Variants in RBFOX3 observed in about 807,000 individuals in gnomAD.
RBFOX3 encodes the protein RNA binding protein fox-1 homolog 3.
Under a neutral mutation model 48.7 loss-of-function variants are expected in RBFOX3, and 17 were observed. The observed-to-expected ratio is 0.35, with a 90% CI of 0.24 to 0.52. The LOEUF (loss-of-function observed/expected upper bound fraction) is 0.52, where lower values mean the gene tolerates loss of function less well. RBFOX3 is among the 20% of genes least tolerant of loss of function. The pLI, the probability that RBFOX3 is intolerant of heterozygous loss-of-function variation, is 0.94. For missense variants in RBFOX3, 382 were observed against 497.5 expected (o/e 0.77, Z 2.21); for synonymous variants, 212 against 209.5 (o/e 1.01, Z -0.10).
intron 4 of RBFOX3, among the ~76,000 whole-genome samples, chr17:79,144,390 T>A (rs2042588434): frequency 6.6e-6 from 1 of 152,166 alleles, no homozygotes. Flanking sequence ...CACAGAGGCG[T>A]CACATGACCC....
At chr17:79,420,128 TACACACACACACACACAC>T (rs58282867) in intron 2 of RBFOX3, among the ~76,000 whole-genome samples, 2 of 114,270 alleles carry the variant, frequency 1.8e-5, no homozygotes, top group African/African-American at 7.1e-5. Flanking sequence ...CTCCGTCTCA[TACACACACACACACACAC>T]ACACACACAC....
chr17:79,221,710 G>A (rs2059750968), intron 4 of RBFOX3, among the ~76,000 whole-genome samples: 1 of 152,190 alleles, frequency 6.6e-6, no homozygotes, highest in Non-Finnish European at 1.5e-5. Context: ...CTGGCTGAGT[G>A]GAAGGAGGGC....
the RBFOX3 span, among the ~76,000 whole-genome samples, chr17:79,624,913 G>A: frequency 6.7e-6 from 1 of 148,506 alleles, no homozygotes. Flanking sequence ...TCCCCACCAC[G>A]AAGCGCCCCA....
intron 2 of RBFOX3, among the ~76,000 whole-genome samples, chr17:79,445,188 T>C (rs2071985025): frequency 6.6e-6 from 1 of 152,250 alleles, no homozygotes; most frequent in African/African-American, 2.4e-5. Flanking sequence ...TTTTGGCTAC[T>C]GTGAATGGCG....
intron 3 of RBFOX3, among the ~76,000 whole-genome samples, chr17:79,236,700 G>A (rs916014633): frequency 6.6e-6 from 1 of 152,160 alleles, no homozygotes; most frequent in Non-Finnish European, 1.5e-5. Flanking sequence ...AGACTGGCAA[G>A]GACCACCACT....
chr17:79,268,032 T>A (rs550072390), intron 3 of RBFOX3, among the ~76,000 whole-genome samples: 123 of 152,284 alleles, frequency 8.1e-4, no homozygotes, highest in Middle Eastern at 3.4e-3. Flanking sequence ...TCTCTGCAAA[T>A]TTTCCCCTTC....
At chr17:79,353,813 G>C (rs1308510642) in intron 2 of RBFOX3, among the ~76,000 whole-genome samples, 1 of 152,056 alleles carries the variant, frequency 6.6e-6, no homozygotes, top group Non-Finnish European at 1.5e-5. Context: ...GGCCCCCACT[G>C]GCTTTCTCAC....
chr17:79,338,001 C>T (rs545457516), intron 2 of RBFOX3, among the ~76,000 whole-genome samples: 119 of 151,128 alleles, frequency 7.9e-4, no homozygotes, highest in African/African-American at 2.7e-3. Context: ...CGCAGTGGCG[C>T]GATCTCGGCT....
chr17:79,290,796 G>A (rs969770732), intron 3 of RBFOX3, among the ~76,000 whole-genome samples: 4 of 152,216 alleles, frequency 2.6e-5, no homozygotes, highest in African/African-American at 9.6e-5. Flanking sequence ...ACTGGTGGCT[G>A]GAGAGGCTCT....
chr17:79,300,661 AGAT>A (rs2075166318), intron 3 of RBFOX3, among the ~76,000 whole-genome samples: 1 of 152,148 alleles, frequency 6.6e-6, no homozygotes, highest in African/African-American at 2.4e-5. Flanking sequence ...TTTCGGATAA[AGAT>A]GATATTGCTG....
intron 2 of RBFOX3, among the ~76,000 whole-genome samples, chr17:79,397,847 C>T (rs772777631): frequency 2.6e-5 from 4 of 152,210 alleles, no homozygotes; most frequent in East Asian, 1.9e-4. Flanking sequence ...CTTGACAGTT[C>T]GATGCCAGCA....
chr17:79,264,094 C>CT (rs559845696), intron 3 of RBFOX3, among the ~76,000 whole-genome samples: 43,522 of 141,694 alleles, frequency 0.31, 6,663 homozygotes, highest in Middle Eastern at 0.39. Context: ...CTGTTGGCAT[C>CT]TTTTTTTTTT....
intron 2 of RBFOX3, among the ~76,000 whole-genome samples, chr17:79,434,559 A>G (rs1176093570): frequency 6.6e-6 from 1 of 152,150 alleles, no homozygotes; most frequent in African/African-American, 2.4e-5. Context: ...CCCAGTGTTC[A>G]CATCACAGTG....
chr17:79,500,565 T>C (rs1035519895), intron 1 of RBFOX3, among the ~76,000 whole-genome samples: 1,744 of 152,312 alleles, frequency 0.011, 32 homozygotes, highest in African/African-American at 0.039. Context: ...TCATTGATTG[T>C]TGTTTTAAGC....
chr17:79,376,186 G>C (rs1338671865), intron 2 of RBFOX3, among the ~76,000 whole-genome samples: 2 of 152,142 alleles, frequency 1.3e-5, no homozygotes, highest in African/African-American at 4.8e-5. Context: ...TGGGCGAGGA[G>C]ACTGCCTTCT....
intron 2 of RBFOX3, among the ~76,000 whole-genome samples, chr17:79,386,101 C>T (rs1001069380): frequency 6.2e-5 from 9 of 145,364 alleles, no homozygotes; most frequent in African/African-American, 1.0e-4. Context: ...CTACACCAGA[C>T]GGGGGCTCCA....
intron 1 of RBFOX3, among the ~76,000 whole-genome samples, chr17:79,589,113 G>A (rs1289184212): frequency 1.3e-5 from 2 of 152,252 alleles, no homozygotes; most frequent in Non-Finnish European, 2.9e-5. Flanking sequence ...TCAAGGGTGG[G>A]GAACTTAAGG....
intron 1 of RBFOX3, among the ~76,000 whole-genome samples, chr17:79,593,519 C>A (rs1256119125): frequency 6.6e-6 from 1 of 152,016 alleles, no homozygotes; most frequent in Non-Finnish European, 1.5e-5. Context: ...GGAGGGTGGG[C>A]GTGGAGAAAG....
intron 4 of RBFOX3, among the ~76,000 whole-genome samples, chr17:79,227,429 GCATCAGCTCGT>G (rs2060438159): frequency 6.6e-6 from 1 of 152,216 alleles, no homozygotes; most frequent in Non-Finnish European, 1.5e-5. Flanking sequence ...TATTGTTTGA[GCATCAGCTCGT>G]CCAGGGCAGG....
Sources: gnomAD v4.1 joint callset for allele counts (sites outside exome capture counted in the v4.1 genomes callset) on GRCh38, gnomAD v4.1.1 for gene constraint, MANE v1.5 for transcripts, NCBI Gene and HGNC (gene_info 2026-07-23, HGNC 2026-07-21) for gene names.